Variants in CDH12 observed in about 807,000 individuals in gnomAD.
CDH12 encodes the protein cadherin 12, also known as cadherin-12.
In CDH12, 41 loss-of-function variants were observed where a neutral mutation model predicts 74.1. The observed-to-expected ratio is 0.55, with a 90% CI of 0.43 to 0.72. The LOEUF (loss-of-function observed/expected upper bound fraction) is 0.72, where lower values mean the gene tolerates loss of function less well. CDH12 is among the 30% of genes least tolerant of loss of function. The pLI, the probability that CDH12 is intolerant of heterozygous loss-of-function variation, is 0.00. For synonymous variants in CDH12, 399 were observed against 355.0 expected, an observed-to-expected ratio of 1.12 and a Z score of -1.39; for missense variants, 945 against 977.2, an observed-to-expected ratio of 0.97 and a Z score of 0.44.
chr5:22,093,638 C>G (rs1743567986), intron 4 of CDH12, among the ~76,000 whole-genome samples: 3 of 152,042 alleles, frequency 2.0e-5, no homozygotes, highest in Non-Finnish European at 2.9e-5. Flanking sequence ...AGAATGATTG[C>G]CAACGGGTTT....
intron 3 of CDH12, among the ~76,000 whole-genome samples, chr5:22,399,176 A>G (rs1165443708): frequency 2.0e-5 from 3 of 149,552 alleles, no homozygotes; most frequent in Non-Finnish European, 3.0e-5. Context: ...TTATCTTACT[A>G]TATAATCTAC....
At chr5:21,922,742 C>T (rs1405715169) in intron 6 of CDH12, among the ~76,000 whole-genome samples, 1 of 151,974 alleles carries the variant, frequency 6.6e-6, no homozygotes, top group African/African-American at 2.4e-5. Flanking sequence ...TTTAAAGATC[C>T]ACTTATGGGC....
chr5:22,659,267 AC>A (rs1032087415), intron 1 of CDH12, among the ~76,000 whole-genome samples: 1 of 152,106 alleles, frequency 6.6e-6, no homozygotes, highest in African/African-American at 2.4e-5. Context: ...GTGATTTTGT[AC>A]CTAGTCTTCC....
intron 3 of CDH12, among the ~76,000 whole-genome samples, chr5:22,354,028 A>T (rs529757788): frequency 6.6e-6 from 1 of 152,284 alleles, no homozygotes; most frequent in African/African-American, 2.4e-5. Context: ...GTCCCTTAGG[A>T]AGTGACAAAA....
chr5:22,744,344 G>T (rs1347856629), intron 1 of CDH12, among the ~76,000 whole-genome samples: 4 of 151,898 alleles, frequency 2.6e-5, no homozygotes, highest in Non-Finnish European at 4.4e-5. Context: ...CAGGAGAATG[G>T]CATGAACCTG....
chr5:22,789,515 A>T (rs1384220936), intron 1 of CDH12, among the ~76,000 whole-genome samples: 1 of 152,094 alleles, frequency 6.6e-6, no homozygotes, highest in Non-Finnish European at 1.5e-5. Flanking sequence ...TTTGGTTAAA[A>T]GAGATAAATT....
intron 4 of CDH12, among the ~76,000 whole-genome samples, chr5:22,154,992 T>C (rs1747931508): frequency 1.3e-5 from 2 of 152,004 alleles, no homozygotes; most frequent in South Asian, 4.2e-4. Flanking sequence ...AAGATTGAGG[T>C]CCCTCTTGCC....
rs141292059 is a variant in CDH12, at chr5:22,320,066, C to A, written c.-333+85191G>T. 5.3e-3 allele frequency among the ~76,000 whole-genome samples: 813 copies of A among 152,150 alleles called. 23 individuals carry two copies. Among genetic ancestry groups the A allele is most frequent in the Admixed American group, 0.045 (693 of 15,266 alleles). On this transcript the variant is annotated intron_variant, in intron 3 of 14. Coordinates refer to ENST00000382254, the MANE Select transcript of CDH12 (RefSeq NM_004061.5). ...TAATGAAACTCTTCCAGAACTAAAC[C>A]CACTTAGGTCCTCCCTTATTCTGAC...
chr5:22,774,315 C>A (rs1028929904), intron 1 of CDH12, among the ~76,000 whole-genome samples: 1 of 152,064 alleles, frequency 6.6e-6, no homozygotes, highest in African/African-American at 2.4e-5. Flanking sequence ...GAAATCATGT[C>A]TTTTACAGCA....
In CDH12 at chr5:21,757,245, G is replaced by A. The variant is rs184072649; in HGVS notation, c.1634-1403C>T. On this transcript the variant is annotated intron_variant, in intron 13 of 14. Transcript: ENST00000382254. ...GGCTGGAGTACAGTGGATCAATCTC[G>A]GCTCACTGCAACCTCCGCCTCCTGG... Among the ~76,000 whole-genome samples the A allele has an allele frequency of 4.6e-3, 706 of 152,002 alleles. 4 individuals are homozygous for A. The highest frequency in any genetic ancestry group is 0.016 in the African/African-American group (676 of 41,456).
intron 6 of CDH12, among the ~76,000 whole-genome samples, chr5:21,940,278 G>A (rs1040366056): frequency 4.9e-4 from 75 of 152,052 alleles, no homozygotes; most frequent in African/African-American, 1.7e-3. Context: ...TTTACTGAAA[G>A]CAAGTCTCAA....
At chr5:22,653,037 A>T (rs936037183) in intron 1 of CDH12, among the ~76,000 whole-genome samples, 1 of 152,184 alleles carries the variant, frequency 6.6e-6, no homozygotes. Context: ...GCCCATAAAC[A>T]TCCACCAAAT....
intron 3 of CDH12, among the ~76,000 whole-genome samples, chr5:22,244,259 G>T (rs1752840800): frequency 6.6e-6 from 1 of 152,052 alleles, no homozygotes; most frequent in South Asian, 2.1e-4. Context: ...GGAGGCCAAG[G>T]TGGGTGGATC....
intron 4 of CDH12, among the ~76,000 whole-genome samples, chr5:22,190,165 C>A (rs1404788530): frequency 1.3e-5 from 2 of 152,182 alleles, no homozygotes; most frequent in African/African-American, 2.4e-5. Flanking sequence ...CTGGCTTATA[C>A]CTAATTCAAA....
At chr5:22,645,172 G>A (rs1170599712) in intron 1 of CDH12, among the ~76,000 whole-genome samples, 1 of 152,038 alleles carries the variant, frequency 6.6e-6, no homozygotes, top group African/African-American at 2.4e-5. Flanking sequence ...TTATTCTAAT[G>A]GATCTGGGCA....
chr5:22,535,365 C>A (rs1737797675), intron 1 of CDH12, among the ~76,000 whole-genome samples: 1 of 151,862 alleles, frequency 6.6e-6, no homozygotes, highest in Non-Finnish European at 1.5e-5. Flanking sequence ...ACCGTGTTAG[C>A]CAGGATGGTC....
chr5:21,825,894 G>A lies in CDH12; in HGVS notation c.815-8762C>T, dbSNP rs112282902. Among the ~76,000 whole-genome samples, 459 of 152,278 alleles carry A rather than the reference G, an allele frequency of 3.0e-3. 1 individual carries two copies. Among genetic ancestry groups the A allele is most frequent in the African/African-American group, 0.011 (446 of 41,570 alleles). ...AAATTCTTAGAAAAGATCTGGATAA[G>A]TGATTCTCAAACTTGGTTGCATTTT... On this transcript the variant is annotated intron_variant, in intron 8 of 14. Transcript: ENST00000382254.
chr5:22,742,451 A>G (rs1402047566), intron 1 of CDH12, among the ~76,000 whole-genome samples: 1 of 152,102 alleles, frequency 6.6e-6, no homozygotes, highest in East Asian at 1.9e-4. Flanking sequence ...GAAGAATCAG[A>G]CTGGACCTAA....
intron 4 of CDH12, among the ~76,000 whole-genome samples, chr5:22,177,710 G>A (rs1292880898): frequency 6.6e-6 from 1 of 151,948 alleles, no homozygotes; most frequent in Non-Finnish European, 1.5e-5. Context: ...AATATGAGGA[G>A]AGCCACCCAC....
Sources: gnomAD v4.1 joint callset for allele counts (sites outside exome capture counted in the v4.1 genomes callset) on GRCh38, gnomAD v4.1.1 for gene constraint, MANE v1.5 for transcripts, NCBI Gene and HGNC (gene_info 2026-07-23, HGNC 2026-07-21) for gene names.